Variants in PODN observed in about 807,000 individuals in gnomAD.
PODN encodes the protein podocan proteoglycan.
A neutral mutation model predicts 52.7 loss-of-function variants in PODN; 40 were observed. That is an observed-to-expected ratio of 0.76 (90% CI 0.59 to 0.99). PODN has a LOEUF of 0.99. Ranked by LOEUF, PODN falls within the 50% of genes least tolerant of loss-of-function variation. The pLI, the probability that PODN is intolerant of heterozygous loss-of-function variation, is 0.00. For synonymous variants in PODN, 396 were observed against 377.9 expected (o/e 1.05, Z -0.56); for missense variants, 720 against 815.1 (o/e 0.88, Z 1.42).
chr1:53,062,546 G>A (rs1354370706), intron 1 of PODN, among the ~76,000 whole-genome samples: 1 of 152,220 alleles, frequency 6.6e-6, no homozygotes, highest in Non-Finnish European at 1.5e-5. Context: ...AGCAGAGGCT[G>A]GTCCCCGTCC....
At chr1:53,064,734 G>A (rs763451275) in intron 1 of PODN, among the ~76,000 whole-genome samples, 6 of 152,176 alleles carry the variant, frequency 3.9e-5, no homozygotes, top group African/African-American at 9.7e-5. Flanking sequence ...TGATGCCAGC[G>A]GTGACAGGCT....
At position 53,080,649 on chromosome 1, in the gene PODN, G is replaced by C. The variant is rs1056383728; in HGVS notation, c.1513-79G>C. The stretch of plus-strand genomic sequence containing the variant: ...GTTATTGTTAGATTTAGATAGGCTG[G>C]GGGCTTGGTGGGAGTTTTGTAAGCT... On this transcript the variant is annotated intron_variant, in intron 8 of 10. Transcript: ENST00000312553. The C allele has an allele frequency of 8.2e-6, 12 of 1,471,966 alleles. No homozygotes were observed. The African/African-American group carries it at 1.4e-4, about 17-fold the overall frequency. The allele number at this position is 1,471,966 out of a possible 1,614,324, so 91.2% of individuals were successfully genotyped here.
intron 1 of PODN, 75 bp downstream of exon 1, chr1:53,062,383 C>A: frequency 9.1e-7 from 1 of 1,097,658 alleles, no homozygotes; most frequent in Non-Finnish European, 1.2e-6. Context: ...GACGTCCCCG[C>A]CTCTCCGGAT....
chr1:53,079,604 C>T (rs546316676), intron 8 of PODN, among the ~76,000 whole-genome samples: 5 of 152,232 alleles, frequency 3.3e-5, no homozygotes, highest in South Asian at 4.1e-4. Flanking sequence ...GCTGGCCAGT[C>T]GATGTGGCTG....
intron 2 of PODN, 70 bp from the exon 3 acceptor site, chr1:53,071,465 G>C (rs550086084): frequency 1.6e-6 from 2 of 1,282,276 alleles, no homozygotes; most frequent in Non-Finnish European, 2.2e-6. Context: ...GGAGCTATGG[G>C]TAGGGAATGG....
At chr1:53,065,993 G>GTTTTTTT (rs1191631889) in intron 1 of PODN, among the ~76,000 whole-genome samples, 2 of 126,534 alleles carry the variant, frequency 1.6e-5, no homozygotes, top group African/African-American at 7.8e-5. Context: ...TTTTCTAGAG[G>GTTTTTTT]TCTTTTTTTT....
intron 3 of PODN, chr1:53,073,229 T>C (rs1644145429): frequency 1.8e-5 from 4 of 218,992 alleles, no homozygotes; most frequent in Non-Finnish European, 2.9e-5. Flanking sequence ...AGGGACATTG[T>C]CGTGTTTCCC....
intron 10 of PODN, among the ~76,000 whole-genome samples, chr1:53,083,768 A>G (rs1310693578): frequency 6.6e-6 from 1 of 152,004 alleles, no homozygotes; most frequent in African/African-American, 2.4e-5. Context: ...GGAGGTGCAG[A>G]TAGGAGGGCT....
At position 53,080,782 on chromosome 1, in the gene PODN, T is replaced by C. The variant is rs774793669; in HGVS notation, c.1567T>C (p.Ser523Pro). ...AGAGATCCCCGAGGGGCTCCCCGAGTCACTTGAGTACCTGTACCTGCAGAA... is the reference window on the plus strand; with the variant it reads ...AGAGATCCCCGAGGGGCTCCCCGAGCCACTTGAGTACCTGTACCTGCAGAA... ...LTEIPEGLPE[S>P]LEYLYLQNNK... Residue 523 changes from serine to proline, a missense_variant, in exon 9 of 11, where the codon TCA (serine) becomes CCA (proline). By Grantham distance (74) the Ser-to-Pro change is moderately conservative (BLOSUM62 -1). Coordinates refer to ENST00000312553, the MANE Select transcript of PODN (RefSeq NM_153703.5). 6.2e-7 allele frequency: 1 copy of C among 1,614,008 alleles called. No individual in the cohort carries two copies. The highest frequency in any genetic ancestry group is 8.5e-7 in the Non-Finnish European group (1 of 1,180,006).
Position 53,085,031 on chromosome 1 carries a change from A to G in PODN, c.*546A>G, listed in dbSNP as rs1644343230. ...CGTTCCCTGGAGAAGACACAAGGGTATCCATGCTCTGTGGCCAGGTGCCTG... is the reference window on the plus strand; with the variant it reads ...CGTTCCCTGGAGAAGACACAAGGGTGTCCATGCTCTGTGGCCAGGTGCCTG... On this transcript the variant is annotated 3_prime_UTR_variant, in exon 11 of 11. Transcript: ENST00000312553. 6.6e-6 allele frequency: 1 copy of G among 152,320 alleles called. No homozygotes were observed. The highest frequency in any genetic ancestry group is 1.5e-5 in the Non-Finnish European group (1 of 68,112). 9.4% of individuals were successfully genotyped at this position (152,320 alleles called of 1,614,324 possible).
In PODN at chr1:53,071,295, T is replaced by C. The variant is rs547535922; in HGVS notation, c.313-240T>C. On this transcript the variant is annotated intron_variant, in intron 2 of 10. Transcript: ENST00000312553. Reference sequence around the variant, plus strand: ...AGTTTGAACTGCCCGTAGATGTCCATGTGTGGGCTCCCTGAAGGCAGGACC... The same window carrying C: ...AGTTTGAACTGCCCGTAGATGTCCACGTGTGGGCTCCCTGAAGGCAGGACC... 19 of 453,942 alleles carry C rather than the reference T, an allele frequency of 4.2e-5. No homozygotes were observed. The South Asian group carries it at 7.8e-4, about 19-fold the overall frequency. The allele number at this position is 453,942 out of a possible 1,614,324, so 28.1% of individuals were successfully genotyped here.
Position 53,075,952 on chromosome 1 carries a change from G to A in PODN, c.562G>A (p.Gly188Ser). Residue 188 changes from glycine (G) to serine (S), a missense_variant, in exon 5 of 11, where the codon GGC becomes AGC. By Grantham distance (56) the Gly-to-Ser change is moderately conservative (BLOSUM62 0). Transcript: ENST00000312553. ...CACCAAGATCTATGGGCTCACCTTT[G>A]GCCAGAAGCCAAACTTGAGGTCAGA... ...YLTKIYGLTF[G>S]QKPNLRSVYL... 1 of 1,596,238 alleles carries A rather than the reference G, an allele frequency of 6.3e-7. No homozygotes were observed. The highest frequency in any genetic ancestry group is 8.6e-7 in the Non-Finnish European group (1 of 1,169,526).
intron 1 of PODN, among the ~76,000 whole-genome samples, chr1:53,067,377 G>A (rs916197608): frequency 1.3e-5 from 2 of 152,034 alleles, no homozygotes; most frequent in African/African-American, 4.8e-5. Context: ...AGTGGTTATT[G>A]GTACCGGGGT....
chr1:53,077,557 C>A, intron 6 of PODN, 128 bp from the exon 7 acceptor site: 1 of 1,156,428 alleles, frequency 8.6e-7, no homozygotes, highest in Non-Finnish European at 1.2e-6. Context: ...TGGCCCCACA[C>A]CTGGGTTGCT....
At chr1:53,062,404 G>T in intron 1 of PODN, 96 bp downstream of exon 1, 2 of 948,356 alleles carry the variant, frequency 2.1e-6, no homozygotes, top group Admixed American at 8.7e-5. Flanking sequence ...GGCTCCAGCA[G>T]CTGCCTGGGG....
At chr1:53,084,167 C>A (rs970459194) in intron 10 of PODN, among the ~76,000 whole-genome samples, 2 of 151,744 alleles carry the variant, frequency 1.3e-5, no homozygotes, top group African/African-American at 4.8e-5. Flanking sequence ...GAGGTGTTGT[C>A]CTCACACAGA....
At chr1:53,066,933 C>T (rs1644042643) in intron 1 of PODN, 4 of 1,480,066 alleles carry the variant, frequency 2.7e-6, no homozygotes, top group Admixed American at 4.1e-5. Context: ...GCCTTCTGCC[C>T]TGATTGAATT....
intron 9 of PODN, 51 bp downstream of exon 9, chr1:53,080,927 C>T (rs765549729): frequency 6.2e-7 from 1 of 1,600,606 alleles, no homozygotes. Context: ...CCCACCCTGG[C>T]TCCAACGGGA....
In PODN at chr1:53,078,836, G is replaced by A; in HGVS notation, c.1326G>A (p.Leu442=). 6.2e-7 allele frequency: 1 copy of A among 1,612,782 alleles called. No homozygotes were observed. The highest frequency in any genetic ancestry group is 8.5e-7 in the Non-Finnish European group (1 of 1,179,706). ...CGCTGGACCTGTCGGGCAACCGGCT[G>A]CACACGCTGCCACCTGGGCTGCCTC... The part of the protein sequence containing the change: ...LRSLDLSGNR[L]HTLPPGLPRN... Residue 442 remains leucine, a synonymous_variant, in exon 8 of 11, where the codon CTG becomes CTA. Coordinates refer to ENST00000312553, the MANE Select transcript of PODN (RefSeq NM_153703.5).
Sources: gnomAD v4.1 joint callset for allele counts (sites outside exome capture counted in the v4.1 genomes callset) on GRCh38, gnomAD v4.1.1 for gene constraint, MANE v1.5 for transcripts, NCBI Gene and HGNC (gene_info 2026-07-23, HGNC 2026-07-21) for gene names.